Variants in LY75 observed in about 807,000 individuals in gnomAD.
LY75 encodes lymphocyte antigen 75.
A neutral mutation model predicts 231.7 loss-of-function variants in LY75; 185 were observed. That is an observed-to-expected ratio of 0.80 (90% confidence interval 0.71 to 0.90). LY75 has a LOEUF of 0.90. LY75 is among the 40% of genes least tolerant of loss of function. The pLI, the probability that LY75 is intolerant of heterozygous loss-of-function variation, is 0.00. For synonymous variants in LY75, 668 were observed against 689.0 expected (o/e 0.97, Z 0.48); for missense variants, 1,947 against 2,050.2 (o/e 0.95, Z 0.97).
chr2:159,842,174 ACTCTCT>A lies in LY75; in HGVS notation c.3280+65_3280+70del, dbSNP rs201135691. The A allele has an allele frequency of 3.5e-6, 5 of 1,445,886 alleles. No homozygotes were observed. In the African/African-American group the frequency reaches 5.4e-5, roughly 16 times the overall value. 89.6% of individuals were successfully genotyped at this position (1,445,886 alleles called of 1,614,324 possible). On this transcript the variant is annotated intron_variant, in intron 24 of 34. Transcript: ENST00000263636. The stretch of plus-strand genomic sequence containing the variant: ...TTCCCCTCCCTCCCTATAGAAAGTG[ACTCTCT>A]CTCTCTCTATATATATATATGTAAT...
chr2:159,898,596 G>GTAC, intron 2 of LY75, 92 bp downstream of exon 2: 3 of 1,529,314 alleles, frequency 2.0e-6, no homozygotes, highest in Non-Finnish European at 1.8e-6. Context: ...CCTTACTAAT[G>GTAC]TACGACTCTA....
At chr2:159,887,721 A>G (rs1685638573) in intron 4 of LY75, among the ~76,000 whole-genome samples, 1 of 152,192 alleles carries the variant, frequency 6.6e-6, no homozygotes, top group Non-Finnish European at 1.5e-5. Flanking sequence ...AACTTGAAAC[A>G]TTAGAAACAG....
chr2:159,840,015 A>AAAAAAAAAG (rs1294949965), intron 25 of LY75, among the ~76,000 whole-genome samples: 19 of 148,206 alleles, frequency 1.3e-4, no homozygotes, highest in Middle Eastern at 6.9e-3. Flanking sequence ...CAAAAAAAAA[A>AAAAAAAAAG]AAAAGAAAAA....
chr2:159,874,052 T>A (rs904636978), intron 12 of LY75, among the ~76,000 whole-genome samples: 18 of 127,454 alleles, frequency 1.4e-4, no homozygotes, highest in African/African-American at 5.1e-4. Flanking sequence ...AAAATACATA[T>A]AAACGTATAT....
chr2:159,893,345 T>G (rs1333618194), intron 3 of LY75, among the ~76,000 whole-genome samples: 1 of 152,242 alleles, frequency 6.6e-6, no homozygotes, highest in Non-Finnish European at 1.5e-5. Context: ...TTTGCTTTCT[T>G]CAGCCCTTTT....
At position 159,898,915 on chromosome 2, in the gene LY75, G is replaced by C. The variant is rs1253540141; in HGVS notation, c.239C>G (p.Ser80Cys). ...AATATCGAGGCCAAGGCACTTTTGG[G>C]AGTGCAAATGAAAGAGCCGATGCTG... ...VSQHRLFHLH[S>C]QKCLGLDITK... Residue 80 changes from serine (S) to cysteine (C), a missense_variant, in exon 2 of 35, where the codon TCC becomes TGC. Physicochemically the swap from Ser to Cys is moderately radical, Grantham distance 112. Transcript: ENST00000263636. The C allele has an allele frequency of 1.1e-5, 17 of 1,614,102 alleles. 1 individual carries two copies. Among genetic ancestry groups the C allele is most frequent in the Non-Finnish European group, 1.4e-5 (17 of 1,180,044 alleles).
rs370167372 is a variant in LY75 at position 159,885,281 on chromosome 2, G to A, written c.926C>T (p.Ala309Val). The A allele has an allele frequency of 1.3e-4, 212 of 1,612,932 alleles. No homozygotes were observed. Among genetic ancestry groups the A allele is most frequent in the Non-Finnish European group, 1.7e-4 (199 of 1,179,414 alleles). ...ACAGCTGGAGCCACCTATAGTAGGT[G>A]CACTGGGCCTGTCTTAAAAGGGAAC... is the stretch of plus-strand genomic sequence containing the variant. ...FLNWDPDRPS[A>V]PTIGGSSCAR... The change falls in exon 6 of 35, where the codon GCA (alanine) becomes GTA (valine). Residue 309 changes from alanine to valine, a missense_variant. Coordinates refer to ENST00000263636, the MANE Select transcript of LY75 (RefSeq NM_002349.4).
intron 13 of LY75, among the ~76,000 whole-genome samples, chr2:159,869,301 T>TA (rs199535337): frequency 0.017 from 2,229 of 129,808 alleles, 24 homozygotes; most frequent in African/African-American, 0.046. Flanking sequence ...AGTATAATAA[T>TA]AAAAAAAAAA....
At chr2:159,836,495 G>A (rs1459854832) in intron 25 of LY75, among the ~76,000 whole-genome samples, 2 of 152,160 alleles carry the variant, frequency 1.3e-5, no homozygotes, top group Non-Finnish European at 2.9e-5. Context: ...GCCTGTCTGA[G>A]CTTCCCCATG....
At chr2:159,815,296 C>T (rs1218419514) in intron 31 of LY75, 109 bp downstream of exon 31, 4 of 1,385,990 alleles carry the variant, frequency 2.9e-6, no homozygotes, top group African/African-American at 1.5e-5. Flanking sequence ...CCACTGCGCC[C>T]GGCCCTTGTG....
chr2:159,877,446 AC>A (rs1685310146), intron 11 of LY75, among the ~76,000 whole-genome samples: 1 of 152,200 alleles, frequency 6.6e-6, no homozygotes, highest in Admixed American at 6.5e-5. Context: ...CAAGTAAATC[AC>A]CTTTTAAAGT....
chr2:159,843,062 T>A (rs971716690), intron 23 of LY75, among the ~76,000 whole-genome samples: 4 of 152,084 alleles, frequency 2.6e-5, no homozygotes, highest in African/African-American at 9.7e-5. Context: ...AGTAAAACTT[T>A]ATGTGGAGCC....
At chr2:159,860,918 T>C in intron 14 of LY75, 29 bp from the exon 15 acceptor site, 1 of 1,613,204 alleles carries the variant, frequency 6.2e-7, no homozygotes, top group African/African-American at 1.3e-5. Context: ...CTTGAGAATT[T>C]AAGACTGATG....
chr2:159,825,695 T>C (rs774873637), intron 28 of LY75, among the ~76,000 whole-genome samples: 23 of 152,128 alleles, frequency 1.5e-4, no homozygotes, highest in African/African-American at 3.4e-4. Context: ...TGAACATCGA[T>C]GCAAAAATCC....
At chr2:159,809,658 T>A (rs556313959) in intron 32 of LY75, among the ~76,000 whole-genome samples, 1 of 151,456 alleles carries the variant, frequency 6.6e-6, no homozygotes, top group Admixed American at 6.6e-5. Flanking sequence ...ACATTTATTA[T>A]TATTTTTATT....
Position 159,852,345 on chromosome 2 carries a change from G to T in LY75, c.2744-5C>A, listed in dbSNP as rs1174319549. The T allele has an allele frequency of 6.2e-7, 1 of 1,610,640 alleles. No individual in the cohort carries two copies. The highest frequency in any genetic ancestry group is 8.5e-7 in the Non-Finnish European group (1 of 1,178,382). On this transcript the variant is annotated splice_polypyrimidine_tract_variant and splice_region_variant and intron_variant, in intron 20 of 34. Coordinates refer to ENST00000263636, the MANE Select transcript of LY75 (RefSeq NM_002349.4). ...AGTCTGTTGGTTTACCTAAGTCTGA[G>T]AAATGAAAAGCCAGGATTACTATGG...
chr2:159,815,464 C>T lies in LY75; in HGVS notation c.4490G>A (p.Trp1497Ter), dbSNP rs755632337. The change falls in exon 31 of 35, where the codon TGG becomes TAG. Residue 1497 changes from tryptophan to a stop codon, truncating the protein, a stop_gained. Transcript: ENST00000263636. LOFTEE classifies it high-confidence loss of function. ...NCVLLDPKGT[W>*]KHEKCNSVKD... ...AACAGAGTTGCATTTTTCATGTTTC[C>T]AAGTTCCTTTTGGATCCAAGAGAAC... is the stretch of plus-strand genomic sequence containing the variant. 6.8e-6 allele frequency: 11 copies of T among 1,613,196 alleles called. No homozygotes were observed. The South Asian group carries it at 8.8e-5, about 13-fold the overall frequency.
intron 21 of LY75, among the ~76,000 whole-genome samples, chr2:159,850,800 T>TATATATATATATATATATATATATA (rs1560081076): frequency 5.1e-5 from 3 of 59,402 alleles, no homozygotes; most frequent in African/African-American, 2.5e-4. Context: ...ATATATATAT[T>TATATATATATATATATATATATATA]ATATCTTATA....
intron 25 of LY75, among the ~76,000 whole-genome samples, chr2:159,837,423 T>A (rs1314939943): frequency 6.6e-6 from 1 of 152,208 alleles, no homozygotes; most frequent in Non-Finnish European, 1.5e-5. Context: ...CTCACTTATA[T>A]AAGTGGGAGC....
Sources: allele counts gnomAD v4.1 joint callset (sites outside exome capture counted in the v4.1 genomes callset), GRCh38; gene constraint gnomAD v4.1.1; transcripts MANE v1.5; gene names NCBI Gene and HGNC (gene_info 2026-07-23, HGNC 2026-07-21).